Variants in PDE8B observed in about 807,000 individuals in gnomAD.
PDE8B encodes the protein phosphodiesterase 8B, also known as high affinity cAMP-specific and IBMX-insensitive 3',5'-cyclic phosphodiesterase 8B.
In PDE8B, 26 loss-of-function variants were observed where a neutral mutation model predicts 101.3. The ratio of observed to expected loss-of-function variants is 0.26; its 90% CI spans 0.19 to 0.36. The LOEUF (loss-of-function observed/expected upper bound fraction) is 0.36. Among genes scored for constraint, PDE8B ranks in the 10% least tolerant of loss-of-function variants. PDE8B has a pLI of 1.00. For synonymous variants in PDE8B, 424 were observed against 429.3 expected (o/e 0.99, Z 0.15); for missense variants, 810 against 1,163.1 (o/e 0.70, Z 4.42).
intron 1 of PDE8B, among the ~76,000 whole-genome samples, chr5:77,216,639 AC>A (rs972395796): frequency 5.8e-4 from 88 of 152,256 alleles, no homozygotes; most frequent in African/African-American, 1.9e-3. Flanking sequence ...AAGCTGAGAA[AC>A]CAGGGTAGTT....
intron 13 of PDE8B, among the ~76,000 whole-genome samples, chr5:77,408,563 G>A (rs947388925): frequency 7.2e-5 from 11 of 152,262 alleles, no homozygotes; most frequent in East Asian, 5.8e-4. Context: ...GTCCAAAGTC[G>A]TGGAGACAAA....
At position 77,347,532 on chromosome 5, in the gene PDE8B, A is replaced by G. The variant is rs186805005; in HGVS notation, c.877-1887A>G. ...AATAAAGAAAATAATATATTCTCTA[A>G]TATTTTCTATTCATTCCTCAAATAG... On this transcript the variant is annotated intron_variant, in intron 7 of 21. Transcript: ENST00000264917. 6.6e-5 allele frequency among the ~76,000 whole-genome samples: 10 copies of G among 152,352 alleles called. No homozygotes were observed. The South Asian group carries it at 8.3e-4, about 13-fold the overall frequency.
At chr5:77,135,873 G>T in the PDE8B span, among the ~76,000 whole-genome samples, 37 of 151,990 alleles carry the variant, frequency 2.4e-4, no homozygotes, top group African/African-American at 8.4e-4. Context: ...CACCTCAGCT[G>T]CTCAAAGTGC....
chr5:77,297,967 T>G (rs1246699712), intron 1 of PDE8B, among the ~76,000 whole-genome samples: 1 of 152,158 alleles, frequency 6.6e-6, no homozygotes, highest in Non-Finnish European at 1.5e-5. Context: ...CCCACTCTGC[T>G]CCCCACTCCT....
chr5:77,383,961 C>A (rs555950539), intron 10 of PDE8B, among the ~76,000 whole-genome samples: 1 of 152,208 alleles, frequency 6.6e-6, no homozygotes, highest in African/African-American at 2.4e-5. Context: ...CTTGGCTATG[C>A]GGGCTCTTTT....
intron 3 of PDE8B, among the ~76,000 whole-genome samples, chr5:77,327,660 ATAAG>A (rs748579028): frequency 6.6e-6 from 1 of 152,188 alleles, no homozygotes; most frequent in Non-Finnish European, 1.5e-5. Context: ...TGAGTATAAA[ATAAG>A]TATAGCTTCA....
the PDE8B span, among the ~76,000 whole-genome samples, chr5:77,110,235 G>A: frequency 4.4e-4 from 67 of 151,918 alleles, no homozygotes; most frequent in Non-Finnish European, 8.8e-4. Context: ...CACCGTGTCC[G>A]GCCTCACAAT....
At chr5:77,272,854 G>C (rs1242778780) in intron 1 of PDE8B, among the ~76,000 whole-genome samples, 2 of 152,174 alleles carry the variant, frequency 1.3e-5, no homozygotes, top group Non-Finnish European at 2.9e-5. Context: ...GGGAGGGTGA[G>C]AAGGCAAGAG....
intron 10 of PDE8B, among the ~76,000 whole-genome samples, chr5:77,380,751 T>C (rs1212389724): frequency 6.6e-6 from 1 of 152,184 alleles, no homozygotes; most frequent in Non-Finnish European, 1.5e-5. Flanking sequence ...ATAGACATTA[T>C]TCAAATAAGT....
intron 1 of PDE8B, among the ~76,000 whole-genome samples, chr5:77,232,125 A>G (rs1753701440): frequency 6.6e-6 from 1 of 152,230 alleles, no homozygotes; most frequent in Non-Finnish European, 1.5e-5. Context: ...TAATTTTAGA[A>G]TGTATTATTT....
intron 10 of PDE8B, among the ~76,000 whole-genome samples, chr5:77,357,311 A>G (rs1426345716): frequency 6.6e-6 from 1 of 152,142 alleles, no homozygotes; most frequent in Non-Finnish European, 1.5e-5. Context: ...CAAAGTGGGG[A>G]TGGCTTATTC....
In PDE8B at chr5:77,257,025, C is replaced by A. The variant is rs1170864911; in HGVS notation, c.339+45761C>A. Among the ~76,000 whole-genome samples, 4 of 151,906 alleles carry A rather than the reference C, an allele frequency of 2.6e-5. No homozygotes were observed. The East Asian group carries it at 7.7e-4, about 29-fold the overall frequency. On this transcript the variant is annotated intron_variant, in intron 1 of 21. Coordinates refer to ENST00000264917, the MANE Select transcript of PDE8B (RefSeq NM_003719.5). ...TAGCAGTGAATTGAATGGTAGTGAT[C>A]GTACATAGAATATGATGTCAATCAC...
chr5:77,385,869 A>G (rs1026043981), intron 10 of PDE8B, among the ~76,000 whole-genome samples: 4 of 144,392 alleles, frequency 2.8e-5, no homozygotes, highest in Non-Finnish European at 4.5e-5. Context: ...GCTCACTGCA[A>G]CCTCCGCCTC....
the PDE8B span, among the ~76,000 whole-genome samples, chr5:77,142,796 T>C: frequency 3.3e-5 from 5 of 151,982 alleles, no homozygotes; most frequent in South Asian, 1.0e-3. Flanking sequence ...TTTGTGGCAG[T>C]GCCTGAAACT....
At chr5:77,096,357 T>C in the PDE8B span, among the ~76,000 whole-genome samples, 3 of 152,180 alleles carry the variant, frequency 2.0e-5, no homozygotes. Flanking sequence ...TAGCTTCTGG[T>C]GGTGGTTGGC....
intron 13 of PDE8B, among the ~76,000 whole-genome samples, chr5:77,408,436 G>A (rs1018597536): frequency 6.6e-6 from 1 of 152,200 alleles, no homozygotes; most frequent in Non-Finnish European, 1.5e-5. Flanking sequence ...CTGCAGTTTA[G>A]TGTTAGACCT....
rs372441902 is a variant in PDE8B, at chr5:77,217,425, A to G, written c.339+6161A>G. 9.2e-5 allele frequency among the ~76,000 whole-genome samples: 14 copies of G among 152,318 alleles called. No individual in the cohort carries two copies. The East Asian group carries it at 1.5e-3, about 17-fold the overall frequency. ...TATATTTTCAATAAAGAATGTGTACATTTAGAACATATTTAAAAATATTAA... is the reference window on the plus strand; with the variant it reads ...TATATTTTCAATAAAGAATGTGTACGTTTAGAACATATTTAAAAATATTAA... On this transcript the variant is annotated intron_variant, in intron 1 of 21. Transcript: ENST00000264917.
intron 10 of PDE8B, among the ~76,000 whole-genome samples, chr5:77,364,595 A>G (rs1321430295): frequency 6.6e-6 from 1 of 152,192 alleles, no homozygotes; most frequent in Non-Finnish European, 1.5e-5. Flanking sequence ...TGAAGAAAGT[A>G]TGCATTTACT....
chr5:77,405,004 G>GA (rs3217712), intron 12 of PDE8B, among the ~76,000 whole-genome samples: 5,029 of 152,160 alleles, frequency 0.033, 179 homozygotes, highest in East Asian at 0.15. Flanking sequence ...CGTCTCTTTG[G>GA]AGGGACTCCA....
Sources: gnomAD v4.1 joint callset for allele counts (sites outside exome capture counted in the v4.1 genomes callset) on GRCh38, gnomAD v4.1.1 for gene constraint, MANE v1.5 for transcripts, NCBI Gene and HGNC (gene_info 2026-07-23, HGNC 2026-07-21) for gene names.